Variants in RASA3 observed in about 807,000 individuals in gnomAD.
RASA3 encodes RAS p21 protein activator 3, also known as ras GTPase-activating protein 3.
Under a neutral mutation model 110.0 loss-of-function variants are expected in RASA3, and 73 were observed. The ratio of observed to expected loss-of-function variants is 0.66; its 90% CI spans 0.55 to 0.81. The LOEUF (loss-of-function observed/expected upper bound fraction) is 0.81, where lower values mean the gene tolerates loss of function less well. RASA3 is among the 30% of genes least tolerant of loss of function. RASA3 has a pLI of 0.00. For synonymous variants in RASA3, 500 were observed against 451.4 expected (o/e 1.11, Z -1.37); for missense variants, 976 against 1,113.2 (o/e 0.88, Z 1.75).
rs551216169 is a variant in RASA3, at chr13:114,052,359, G to A, written c.174-204C>T. Among the ~76,000 whole-genome samples, 3 of 152,308 alleles carry A rather than the reference G, an allele frequency of 2.0e-5. No homozygotes were observed. The East Asian group carries it at 5.8e-4, about 29-fold the overall frequency. On this transcript the variant is annotated intron_variant, in intron 2 of 23. Transcript: ENST00000334062. ...GGCCTCCACCTCGAGCCTTTGCACT[G>A]CACAGATGAACTTCTGTACTGGGCT...
intron 18 of RASA3, among the ~76,000 whole-genome samples, chr13:114,002,544 A>G (rs1273439772): frequency 2.0e-5 from 3 of 152,198 alleles, no homozygotes; most frequent in South Asian, 2.1e-4. Flanking sequence ...TGAGGGCAAC[A>G]GGGCGCCTCT....
intron 1 of RASA3, among the ~76,000 whole-genome samples, chr13:114,110,534 G>A (rs118000332): frequency 1.8e-4 from 28 of 152,246 alleles, no homozygotes; most frequent in South Asian, 4.2e-4. Flanking sequence ...GCACTCGGCC[G>A]CCACCTTCCT....
intron 3 of RASA3, among the ~76,000 whole-genome samples, chr13:114,041,384 T>C (rs532373863): frequency 6.6e-6 from 1 of 152,290 alleles, no homozygotes; most frequent in African/African-American, 2.4e-5. Flanking sequence ...TATTAAAAAG[T>C]CAAAATAATC....
chr13:114,016,796 C>T (rs189626954), intron 12 of RASA3, among the ~76,000 whole-genome samples: 6 of 152,270 alleles, frequency 3.9e-5, no homozygotes, highest in Non-Finnish European at 4.4e-5. Flanking sequence ...TTTACAAACC[C>T]GCTCATAAAC....
chr13:114,058,772 C>G (rs1324219472), intron 2 of RASA3, among the ~76,000 whole-genome samples: 1 of 152,372 alleles, frequency 6.6e-6, no homozygotes, highest in South Asian at 2.1e-4. Context: ...CTGCCCCTCG[C>G]AGGGGAGCTG....
Position 114,000,750 on chromosome 13 carries a change from C to A in RASA3, c.1849+76G>T. ...TGAATCCTTCCTCCCCTCAGCTCTC[C>A]CCCTGAAAAAGCAGACTCAGTCCCA... On this transcript the variant is annotated intron_variant, in intron 19 of 23. Transcript: ENST00000334062. The A allele has an allele frequency of 2.7e-6, 3 of 1,105,706 alleles. No individual in the cohort carries two copies. In the South Asian group the frequency reaches 3.7e-5, roughly 14 times the overall value. 68.5% of individuals were successfully genotyped at this position (1,105,706 alleles called of 1,614,324 possible). A position where few individuals can be genotyped will look rare whatever the true frequency, so the allele number is the denominator to read the frequency against.
At chr13:114,013,697 TCTCTCTCTCTCTCCCC>T (rs1185888030) in intron 14 of RASA3, among the ~76,000 whole-genome samples, 1 of 31,804 alleles carries the variant, frequency 3.1e-5, no homozygotes, top group Non-Finnish European at 4.7e-5. Flanking sequence ...TATCTCTGTC[TCTCTCTCTCTCTCCCC>T]CTCTCTCTCT....
At position 114,029,834 on chromosome 13, in the gene RASA3, G is replaced by A. The variant is rs1236042947; in HGVS notation, c.426C>T (p.Val142=). 1.9e-6 allele frequency: 3 copies of A among 1,589,422 alleles called. No individual in the cohort carries two copies. Among genetic ancestry groups the A allele is most frequent in the African/African-American group, 2.7e-5 (2 of 74,260 alleles). ...RLSEVITDTG[V]VCHKLATRIV... The stretch of plus-strand genomic sequence containing the variant: ...ACCGTGTGGCGAGCTTGTGGCAGAC[G>A]ACCCCAGTGTCTGTGATGACCTCGC... The change falls in exon 5 of 24, where the codon GTC becomes GTT. Residue 142 remains valine (V), a synonymous_variant. Coordinates refer to ENST00000334062, the MANE Select transcript of RASA3 (RefSeq NM_007368.4).
At chr13:114,095,008 AG>A (rs879649729) in intron 1 of RASA3, among the ~76,000 whole-genome samples, 3 of 151,812 alleles carry the variant, frequency 2.0e-5, no homozygotes, top group Non-Finnish European at 4.4e-5. Context: ...CTGCTCTAGT[AG>A]GGGGTTAAAG....
intron 20 of RASA3, 119 bp downstream of exon 20, chr13:113,999,466 G>A: frequency 1.3e-6 from 1 of 761,540 alleles, no homozygotes; most frequent in South Asian, 1.5e-5. Context: ...CGAAGACTCT[G>A]AGAAGCCTGG....
At chr13:114,116,842 C>T (rs1396199034) in intron 1 of RASA3, among the ~76,000 whole-genome samples, 1 of 87,842 alleles carries the variant, frequency 1.1e-5, no homozygotes, top group African/African-American at 4.7e-5. Flanking sequence ...AGGGGTGCAT[C>T]AGTGTGGGTG....
intron 1 of RASA3, among the ~76,000 whole-genome samples, chr13:114,094,460 T>C (rs572932281): frequency 2.0e-3 from 307 of 152,336 alleles, no homozygotes; most frequent in African/African-American, 7.1e-3. Flanking sequence ...AAGTGATTAC[T>C]TAAAGGATGT....
chr13:114,045,320 G>T (rs2079034867), intron 3 of RASA3, among the ~76,000 whole-genome samples: 1 of 152,362 alleles, frequency 6.6e-6, no homozygotes, highest in South Asian at 2.1e-4. Flanking sequence ...GGCAAAGGCG[G>T]CTGCCTTCTC....
At chr13:114,113,366 G>A (rs12868436) in intron 1 of RASA3, among the ~76,000 whole-genome samples, 46,518 of 152,156 alleles carry the variant, frequency 0.31, 8,375 homozygotes, top group Non-Finnish European at 0.41. Context: ...AACGGAAGGA[G>A]AATTGGAGAA....
At chr13:114,093,462 C>T (rs960809049) in intron 1 of RASA3, among the ~76,000 whole-genome samples, 1 of 152,212 alleles carries the variant, frequency 6.6e-6, no homozygotes, top group Non-Finnish European at 1.5e-5. Flanking sequence ...ATGTTGTTTG[C>T]TTCTTTTCTC....
chr13:114,088,983 G>A (rs918594266), intron 1 of RASA3, among the ~76,000 whole-genome samples: 1 of 152,096 alleles, frequency 6.6e-6, no homozygotes, highest in Non-Finnish European at 1.5e-5. Flanking sequence ...CATATATGAA[G>A]TTCATAATTA....
At chr13:114,058,748 G>A (rs116999145) in intron 2 of RASA3, among the ~76,000 whole-genome samples, 2,211 of 152,336 alleles carry the variant, frequency 0.015, 135 homozygotes, top group Admixed American at 0.1. Context: ...CTGCTGCTGT[G>A]GACACAGGTG....
At chr13:114,021,279 G>T in intron 9 of RASA3, 125 bp downstream of exon 9, 1 of 745,932 alleles carries the variant, frequency 1.3e-6, no homozygotes, top group Non-Finnish European at 2.2e-6. Flanking sequence ...CAAAGTAAGA[G>T]CAGGTGGGTG....
intron 8 of RASA3, among the ~76,000 whole-genome samples, chr13:114,023,634 GGGGCTCTCTAAATCCT>G: frequency 6.6e-6 from 1 of 152,234 alleles, no homozygotes. Flanking sequence ...GCGGGATCGT[GGGGCTCTCTAAATCCT>G]GGGCCTGAGA....
Sources: allele counts gnomAD v4.1 joint callset (sites outside exome capture counted in the v4.1 genomes callset), GRCh38; gene constraint gnomAD v4.1.1; transcripts MANE v1.5; gene names NCBI Gene and HGNC (gene_info 2026-07-23, HGNC 2026-07-21).